The following SLC24A3 variants were observed in gnomAD, a reference collection of about 807,000 sequenced individuals.
SLC24A3 encodes the protein sodium/potassium/calcium exchanger 3.
In SLC24A3, 28 loss-of-function variants were observed where a neutral mutation model predicts 75.8. The ratio of observed to expected loss-of-function variants is 0.37; its 90% confidence interval spans 0.27 to 0.51. The LOEUF (loss-of-function observed/expected upper bound fraction) is 0.51, where lower values mean the gene tolerates loss of function less well. Ranked by LOEUF, SLC24A3 falls within the 20% of genes least tolerant of loss-of-function variation. The probability of loss-of-function intolerance (pLI) is 0.94; values close to 1 mark genes in which losing one functional copy is unlikely to be tolerated. For missense variants in SLC24A3, 663 were observed against 847.8 expected (o/e 0.78, Z 2.71); for synonymous variants, 372 against 334.1 (o/e 1.11, Z -1.24).
chr20:19,644,463 G>A (rs1042125522), intron 6 of SLC24A3, among the ~76,000 whole-genome samples: 1 of 152,096 alleles, frequency 6.6e-6, no homozygotes, highest in African/African-American at 2.4e-5. Flanking sequence ...CACTGTCCCC[G>A]TGTCTTTGGG....
At chr20:19,370,788 A>G (rs1985978773) in intron 2 of SLC24A3, among the ~76,000 whole-genome samples, 1 of 152,142 alleles carries the variant, frequency 6.6e-6, no homozygotes, top group African/African-American at 2.4e-5. Context: ...CCAAGGAAAC[A>G]GGTTGAAGAC....
At chr20:19,255,425 G>A (rs554358767) in intron 1 of SLC24A3, among the ~76,000 whole-genome samples, 6 of 152,316 alleles carry the variant, frequency 3.9e-5, no homozygotes, top group South Asian at 4.1e-4. Context: ...TTGGAGTGTC[G>A]TTGAGAGAGA....
intron 6 of SLC24A3, among the ~76,000 whole-genome samples, chr20:19,624,063 C>A (rs1317443172): frequency 6.6e-6 from 1 of 152,218 alleles, no homozygotes; most frequent in Non-Finnish European, 1.5e-5. Context: ...CTCCAGAAAT[C>A]TTTTCAGATC....
intron 3 of SLC24A3, among the ~76,000 whole-genome samples, chr20:19,574,295 C>T (rs564610013): frequency 2.0e-5 from 3 of 152,302 alleles, no homozygotes; most frequent in South Asian, 2.1e-4. Context: ...GGAAGTTACT[C>T]GTTATTGTTT....
At chr20:19,254,484 A>G (rs1180219235) in intron 1 of SLC24A3, among the ~76,000 whole-genome samples, 1 of 152,210 alleles carries the variant, frequency 6.6e-6, no homozygotes, top group Admixed American at 6.5e-5. Flanking sequence ...AGTGAGTCCA[A>G]GTGTTGTAGA....
chr20:19,221,591 ATAGT>A (rs1981714315), intron 1 of SLC24A3, among the ~76,000 whole-genome samples: 1 of 152,200 alleles, frequency 6.6e-6, no homozygotes, highest in Non-Finnish European at 1.5e-5. Flanking sequence ...CACTTAGAAG[ATAGT>A]TAGACTGGGT....
intron 2 of SLC24A3, among the ~76,000 whole-genome samples, chr20:19,352,809 A>G (rs1024387967): frequency 6.6e-6 from 1 of 152,202 alleles, no homozygotes; most frequent in Non-Finnish European, 1.5e-5. Flanking sequence ...GTCATCACTC[A>G]GGGCTATTTG....
intron 2 of SLC24A3, among the ~76,000 whole-genome samples, chr20:19,308,980 C>T (rs1447216652): frequency 2.0e-5 from 3 of 152,302 alleles, no homozygotes; most frequent in South Asian, 2.1e-4. Context: ...TCACAGTGCA[C>T]GGAATGTGGA....
intron 6 of SLC24A3, among the ~76,000 whole-genome samples, chr20:19,619,476 A>T (rs1191659447): frequency 6.6e-6 from 1 of 152,330 alleles, no homozygotes; most frequent in African/African-American, 2.4e-5. Context: ...ATCGATGCCA[A>T]CTAGAGCAGA....
intron 2 of SLC24A3, among the ~76,000 whole-genome samples, chr20:19,400,081 G>A (rs144577195): frequency 4.6e-5 from 7 of 152,080 alleles, no homozygotes; most frequent in East Asian, 3.9e-4. Flanking sequence ...TTCTAATGTC[G>A]TGGCTCTAAT....
intron 6 of SLC24A3, among the ~76,000 whole-genome samples, chr20:19,606,144 T>C (rs1160524046): frequency 6.6e-6 from 1 of 152,202 alleles, no homozygotes; most frequent in Non-Finnish European, 1.5e-5. Context: ...CTGTGCTCAA[T>C]AGATTCCTCT....
chr20:19,559,368 A>C (rs929413777), intron 3 of SLC24A3, among the ~76,000 whole-genome samples: 1 of 152,188 alleles, frequency 6.6e-6, no homozygotes, highest in East Asian at 1.9e-4. Flanking sequence ...GTACTTCATA[A>C]GATACATAGC....
chr20:19,280,847 G>T (rs1047053599), intron 1 of SLC24A3, 112 bp from the exon 2 acceptor site: 2 of 1,444,742 alleles, frequency 1.4e-6, no homozygotes, highest in Non-Finnish European at 1.9e-6. Context: ...GTGGCTGGGG[G>T]TGCAGGCGGG....
chr20:19,663,540 C>A (rs1003046834), intron 7 of SLC24A3, among the ~76,000 whole-genome samples: 1 of 102,728 alleles, frequency 9.7e-6, no homozygotes, highest in Non-Finnish European at 2.1e-5. Context: ...CATCTTCACA[C>A]AAGGCAGAGA....
intron 7 of SLC24A3, among the ~76,000 whole-genome samples, chr20:19,663,396 G>GCCT (rs1568689481): frequency 6.4e-4 from 4 of 6,280 alleles, no homozygotes; most frequent in East Asian, 0.019. Flanking sequence ...CTTTGTGGAG[G>GCCT]CCTCCTCCTC....
intron 6 of SLC24A3, among the ~76,000 whole-genome samples, chr20:19,609,530 A>C (rs1157866273): frequency 2.6e-5 from 4 of 152,036 alleles, no homozygotes; most frequent in Non-Finnish European, 5.9e-5. Context: ...TAAGCCCCGC[A>C]TGCATTAGGT....
intron 9 of SLC24A3, among the ~76,000 whole-genome samples, chr20:19,677,951 A>G (rs556889050): frequency 2.0e-5 from 3 of 151,476 alleles, no homozygotes; most frequent in East Asian, 1.9e-4. Flanking sequence ...AACAAAGCAC[A>G]TCTTGCACCG....
At chr20:19,545,156 A>C (rs1204417729) in intron 3 of SLC24A3, among the ~76,000 whole-genome samples, 1 of 152,236 alleles carries the variant, frequency 6.6e-6, no homozygotes, top group Non-Finnish European at 1.5e-5. Flanking sequence ...AAACATGGGA[A>C]ATGCATGAAG....
chr20:19,286,790 T>C (rs1016356597), intron 2 of SLC24A3, among the ~76,000 whole-genome samples: 5 of 152,262 alleles, frequency 3.3e-5, no homozygotes, highest in African/African-American at 1.2e-4. Flanking sequence ...TTTAATAATA[T>C]GTTTTATTTG....
Sources: gnomAD v4.1 joint callset for allele counts (sites outside exome capture counted in the v4.1 genomes callset) on GRCh38, gnomAD v4.1.1 for gene constraint, MANE v1.5 for transcripts, NCBI Gene and HGNC (gene_info 2026-07-23, HGNC 2026-07-21) for gene names.